The following FBN3 variants were observed in gnomAD, a reference collection of about 807,000 sequenced individuals.
The protein encoded by FBN3 is fibrillin-3.
In FBN3, 234 loss-of-function variants were observed where a neutral mutation model predicts 330.1. The observed-to-expected ratio is 0.71, with a 90% CI of 0.64 to 0.79. The LOEUF (loss-of-function observed/expected upper bound fraction) is 0.79. FBN3 is among the 30% of genes least tolerant of loss of function. The pLI, the probability that FBN3 is intolerant of heterozygous loss-of-function variation, is 0.00. For missense variants in FBN3, 3,606 were observed against 3,886.9 expected (o/e 0.93, Z 1.92); for synonymous variants, 1,458 against 1,517.3 (o/e 0.96, Z 0.91).
At position 8,121,412 on chromosome 19, in the gene FBN3, G is replaced by C; in HGVS notation, c.3083-26C>G. On this transcript the variant is annotated intron_variant, in intron 24 of 63. Transcript: ENST00000600128. The surrounding 1 kb of genome is among the most constrained non-coding windows in gnomAD (Gnocchi z 4.5). Reference sequence around the variant, plus strand: ...CTGTGGGGAGAGGGGGCAGAGGCCGGAGGCGCCATGTGGGCCGCATCATGG... The same window carrying C: ...CTGTGGGGAGAGGGGGCAGAGGCCGCAGGCGCCATGTGGGCCGCATCATGG... 9 of 1,568,180 alleles carry C rather than the reference G, an allele frequency of 5.7e-6. No homozygotes were observed. Among genetic ancestry groups the C allele is most frequent in the Non-Finnish European group, 7.8e-6 (9 of 1,154,400 alleles).
chr19:8,121,329 G>C lies in FBN3; in HGVS notation c.3140C>G (p.Thr1047Arg), dbSNP rs559015997. 4 of 1,613,526 alleles carry C rather than the reference G, an allele frequency of 2.5e-6. No homozygotes were observed. The Admixed American group carries it at 6.7e-5, about 27-fold the overall frequency. ...ACACTCGCACTCAAAGCTGCCCGGC[G>C]TGTTGACACAGGTGCCCTGGCCGCA... ...DLCGQGTCVN[T>R]PGSFECECFP... Residue 1047 changes from threonine (T) to arginine (R), a missense_variant, in exon 25 of 64, where the codon ACG becomes AGG. Coordinates refer to ENST00000600128, the MANE Select transcript of FBN3 (RefSeq NM_032447.5). This position sits in a 1 kb window ranked among gnomAD's most constrained non-coding sequence, Gnocchi z 4.5.
intron 13 of FBN3, 26 bp downstream of exon 13, chr19:8,135,935 T>TGGGGGGGGGGGC: frequency 7.4e-7 from 1 of 1,344,156 alleles, no homozygotes. Context: ...CGGAAGCCCC[T>TGGGGGGGGGGGC]GCCCACCCGC....
At chr19:8,099,777 G>A (rs1236259721) in intron 41 of FBN3, among the ~76,000 whole-genome samples, 7 of 151,958 alleles carry the variant, frequency 4.6e-5, no homozygotes, top group Non-Finnish European at 8.8e-5. Context: ...TTGGGAGGCT[G>A]AGGTGGGTGG....
rs1307494741 is a variant in FBN3 at position 8,083,370 on chromosome 19, C to T, written c.7090G>A (p.Val2364Ile). ...GSGYTAEGRD[V>I]DECRMLAHLC... ...TGAGCAAGCATACGGCATTCATCTA[C>T]ATCTGGGAAAAAGTAGGGTGCAAAT... Residue 2364 changes from valine (V) to isoleucine (I), a missense_variant and splice_region_variant, in exon 57 of 64, where the codon GTA (valine) becomes ATA (isoleucine). Physicochemically the swap from Val to Ile is conservative, Grantham distance 29 (BLOSUM62 3). Coordinates refer to ENST00000600128, the MANE Select transcript of FBN3 (RefSeq NM_032447.5). 1 of 1,613,838 alleles carries T rather than the reference C, an allele frequency of 6.2e-7. No homozygotes were observed. The highest frequency in any genetic ancestry group is 2.2e-5 in the East Asian group (1 of 44,892).
intron 8 of FBN3, 22 bp downstream of exon 8, chr19:8,141,695 T>C (rs368077280): frequency 2.6e-4 from 425 of 1,604,152 alleles, no homozygotes; most frequent in Non-Finnish European, 3.0e-4. Context: ...AGGTCTCAGG[T>C]TGTCCCCCTC....
chr19:8,105,596 T>C (rs2082421569), intron 38 of FBN3, among the ~76,000 whole-genome samples: 1 of 152,192 alleles, frequency 6.6e-6, no homozygotes. Flanking sequence ...CACAAAATGT[T>C]ATTCTTCTTT....
chr19:8,145,098 G>A, intron 5 of FBN3, 126 bp from the exon 6 acceptor site: 1 of 796,702 alleles, frequency 1.3e-6, no homozygotes, highest in South Asian at 1.6e-5. Flanking sequence ...CTGAGGCTGA[G>A]CTGAGTGGCT....
At chr19:8,071,779 G>T (rs1323543284) in intron 63 of FBN3, among the ~76,000 whole-genome samples, 1 of 152,098 alleles carries the variant, frequency 6.6e-6, no homozygotes, top group African/African-American at 2.4e-5. Flanking sequence ...GCCCGGCCAG[G>T]GTCTGTATGG....
intron 21 of FBN3, 37 bp from the exon 22 acceptor site, chr19:8,126,054 A>AG (rs2082974154): frequency 5.6e-6 from 9 of 1,612,602 alleles, no homozygotes; most frequent in East Asian, 2.2e-5. Flanking sequence ...GGGTCCAGGG[A>AG]GGGGAAGGGT....
Position 8,109,530 on chromosome 19 carries a change from G to C in FBN3, c.4456+101C>G. ...GCAGATGTCCCGTTTGTCAGGAGCA[G>C]GTAGATTTGAACACGTTGACATCTG... On this transcript the variant is annotated intron_variant, in intron 35 of 63. Coordinates refer to ENST00000600128, the MANE Select transcript of FBN3 (RefSeq NM_032447.5). The surrounding 1 kb of genome is among the most constrained non-coding windows in gnomAD (Gnocchi z 5.2). 1 of 1,539,020 alleles carries C rather than the reference G, an allele frequency of 6.5e-7. No homozygotes were observed. The highest frequency in any genetic ancestry group is 8.8e-7 in the Non-Finnish European group (1 of 1,131,404).
At chr19:8,139,084 C>T (rs2083354746) in intron 8 of FBN3, among the ~76,000 whole-genome samples, 1 of 151,638 alleles carries the variant, frequency 6.6e-6, no homozygotes, top group Non-Finnish European at 1.5e-5. Context: ...CGCAGTGGCT[C>T]ACGCCTGTAA....
Position 8,123,781 on chromosome 19 carries a change from C to T in FBN3, c.2956+3G>A. ...AGGGGCCTGACCCCTTCCCCAACCG[C>T]ACCTTTATAGAATGGTCGGCCAGAC... On this transcript the variant is annotated splice_donor_region_variant and intron_variant, in intron 23 of 63. Coordinates refer to ENST00000600128, the MANE Select transcript of FBN3 (RefSeq NM_032447.5). 1 of 1,613,098 alleles carries T rather than the reference C, an allele frequency of 6.2e-7. No homozygotes were observed. The highest frequency in any genetic ancestry group is 8.5e-7 in the Non-Finnish European group (1 of 1,179,826).
chr19:8,072,008 A>G, intron 63 of FBN3, 40 bp downstream of exon 63: 1 of 1,585,946 alleles, frequency 6.3e-7, no homozygotes, highest in Non-Finnish European at 8.6e-7. Context: ...ACACTCACCC[A>G]TTCCCTGGCC....
Position 8,065,812 on chromosome 19 carries a change from G to A in FBN3, c.*107C>T. 1 of 953,648 alleles carries A rather than the reference G, an allele frequency of 1.0e-6. No individual in the cohort carries two copies. 59.1% of individuals were successfully genotyped at this position (953,648 alleles called of 1,614,324 possible). On this transcript the variant is annotated 3_prime_UTR_variant, in exon 64 of 64. Coordinates refer to ENST00000600128, the MANE Select transcript of FBN3 (RefSeq NM_032447.5). ...TGTCGTGTAGCATTTCACTCTTCCT[G>A]AGTTTCGGGGTTCAATCTGGTCAGC...
At chr19:8,083,890 C>T (rs1250112476) in intron 56 of FBN3, among the ~76,000 whole-genome samples, 6 of 151,174 alleles carry the variant, frequency 4.0e-5, no homozygotes, top group African/African-American at 1.5e-4. Flanking sequence ...GCAAGCTCCG[C>T]CTCCCGGGTT....
In FBN3 at chr19:8,138,131, C is replaced by T. The variant is rs1419161817; in HGVS notation, c.1201+10G>A. 1 of 1,602,924 alleles carries T rather than the reference C, an allele frequency of 6.2e-7. No individual in the cohort carries two copies. Among genetic ancestry groups the T allele is most frequent in the Admixed American group, 1.7e-5 (1 of 57,408 alleles). On this transcript the variant is annotated intron_variant, in intron 10 of 63. Transcript: ENST00000600128. ...GTCTTGGAATGTTCCTCCCAAGCCCCAGGCCTCACCAATATTAGAGTTGCC... is the reference window on the plus strand; with the variant it reads ...GTCTTGGAATGTTCCTCCCAAGCCCTAGGCCTCACCAATATTAGAGTTGCC...
chr19:8,116,374 CCT>C (rs1177495352), intron 29 of FBN3, among the ~76,000 whole-genome samples: 2 of 152,180 alleles, frequency 1.3e-5, no homozygotes, highest in African/African-American at 4.8e-5. Flanking sequence ...AGGACACAAT[CCT>C]CTGATAGATG....
At chr19:8,135,936 G>GGGGGGGGGGGGCGCCCCCC in intron 13 of FBN3, 25 bp downstream of exon 13, 1 of 668,778 alleles carries the variant, frequency 1.5e-6, no homozygotes, top group Non-Finnish European at 2.4e-6. Flanking sequence ...GGAAGCCCCT[G>GGGGGGGGGGGGCGCCCCCC]CCCACCCGCC....
Position 8,129,785 on chromosome 19 carries a change from T to C in FBN3, c.2045-420A>G, listed in dbSNP as rs1220527342. Among the ~76,000 whole-genome samples the C allele has an allele frequency of 1.3e-5, 2 of 152,132 alleles. No individual in the cohort carries two copies. Among genetic ancestry groups the C allele is most frequent in the Non-Finnish European group, 2.9e-5 (2 of 68,026 alleles). ...AATAAAAGCAATTATAGGCCAGATA[T>C]GATGGCTGTCACCTATAATCCCACC... On this transcript the variant is annotated intron_variant, in intron 16 of 63. Transcript: ENST00000600128. The surrounding 1 kb of genome is among the most constrained non-coding windows in gnomAD (Gnocchi z 4.5).
Sources: gnomAD v4.1 joint callset for allele counts (sites outside exome capture counted in the v4.1 genomes callset) on GRCh38, gnomAD v4.1.1 for gene constraint, Gnocchi (gnomAD v3.1) non-coding constraint, MANE v1.5 for transcripts, NCBI Gene and HGNC (gene_info 2026-07-23, HGNC 2026-07-21) for gene names.